The following GLRA2 variants were observed in gnomAD, a reference collection of about 807,000 sequenced individuals.
GLRA2 encodes the protein glycine receptor alpha 2.
A neutral mutation model predicts 31.6 loss-of-function variants in GLRA2; 11 were observed. The ratio of observed to expected loss-of-function variants is 0.35; its 90% CI spans 0.22 to 0.58. The LOEUF (loss-of-function observed/expected upper bound fraction) is 0.58. Ranked by LOEUF, GLRA2 falls within the 20% of genes least tolerant of loss-of-function variation. The pLI, the probability that GLRA2 is intolerant of heterozygous loss-of-function variation, is 0.84. For synonymous variants in GLRA2, 132 were observed against 134.0 expected, an observed-to-expected ratio of 0.99 and a Z score of 0.10; for missense variants, 212 against 351.8, an observed-to-expected ratio of 0.60 and a Z score of 3.18.
At chrX:14,613,954 GACAA>G (rs2090428852) in intron 7 of GLRA2, among the ~76,000 whole-genome samples, 1 of 111,660 alleles carries the variant, frequency 9.0e-6, no homozygotes, top group Non-Finnish European at 1.9e-5. Flanking sequence ...AAGTATCAGT[GACAA>G]ACAGATATTT....
intron 8 of GLRA2, among the ~76,000 whole-genome samples, chrX:14,724,290 G>A (rs934682256): frequency 1.8e-5 from 2 of 110,804 alleles, no homozygotes; most frequent in African/African-American, 3.3e-5. Context: ...ACTCTACCAC[G>A]TACCTGGCAC....
At chrX:14,718,986 T>C (rs1354307772) in intron 8 of GLRA2, among the ~76,000 whole-genome samples, 1 of 111,819 alleles carries the variant, frequency 8.9e-6, no homozygotes, top group Non-Finnish European at 1.9e-5. Context: ...ACCATGTGAA[T>C]GGGACATATT....
chrX:14,508,471 A>G, the GLRA2 span, among the ~76,000 whole-genome samples: 2 of 111,953 alleles, frequency 1.8e-5, no homozygotes, highest in African/African-American at 3.2e-5. Context: ...TGGAGCACAG[A>G]CTTCAAGGCA....
intron 4 of GLRA2, among the ~76,000 whole-genome samples, chrX:14,602,460 A>T (rs189104039): frequency 2.7e-5 from 3 of 109,519 alleles, no homozygotes; most frequent in African/African-American, 1.0e-4. Context: ...TTTTGGGAAA[A>T]AGGTCCCATT....
chrX:14,563,505 T>G (rs12558251), intron 2 of GLRA2, among the ~76,000 whole-genome samples: 3,406 of 112,114 alleles, frequency 0.03, 117 homozygotes, highest in East Asian at 0.13. Flanking sequence ...GGTAGATAAT[T>G]TTCAGTTACT....
the GLRA2 span, among the ~76,000 whole-genome samples, chrX:14,516,561 T>C: frequency 9.0e-6 from 1 of 111,462 alleles, no homozygotes; most frequent in African/African-American, 3.3e-5. Context: ...CAGTGAACCG[T>C]ACCTTCTGGA....
At chrX:14,625,708 C>T (rs1293502313) in intron 7 of GLRA2, among the ~76,000 whole-genome samples, 1 of 111,840 alleles carries the variant, frequency 8.9e-6, no homozygotes, top group Non-Finnish European at 1.9e-5. Flanking sequence ...AGAGTTTCTG[C>T]TGAGAGAACT....
At chrX:14,638,358 A>T (rs1225688418) in intron 7 of GLRA2, among the ~76,000 whole-genome samples, 1 of 111,489 alleles carries the variant, frequency 9.0e-6, no homozygotes, top group Non-Finnish European at 1.9e-5. Context: ...TGCTTTTGCA[A>T]CTAACAGCTT....
chrX:14,567,920 CAT>C (rs373731024), intron 2 of GLRA2, among the ~76,000 whole-genome samples: 78 of 112,128 alleles, frequency 7.0e-4, no homozygotes, highest in Middle Eastern at 4.6e-3. Context: ...GTTAACCAAA[CAT>C]GTGAAAGTTT....
chrX:14,620,510 C>T (rs1361192811), intron 7 of GLRA2, among the ~76,000 whole-genome samples: 2 of 110,781 alleles, frequency 1.8e-5, no homozygotes, highest in Non-Finnish European at 3.8e-5. Flanking sequence ...TTTCCTTGAT[C>T]TTAAGGTGTC....
chrX:14,640,860 G>A (rs944604901), intron 7 of GLRA2, among the ~76,000 whole-genome samples: 8 of 110,587 alleles, frequency 7.2e-5, no homozygotes, highest in Non-Finnish European at 1.5e-4. Flanking sequence ...ATATGCACAC[G>A]TTTATCTTGA....
intron 8 of GLRA2, among the ~76,000 whole-genome samples, chrX:14,707,036 C>G (rs1357534114): frequency 1.0e-4 from 11 of 110,519 alleles, no homozygotes; most frequent in African/African-American, 3.6e-4. Flanking sequence ...ATAAAACTTA[C>G]AAAAATACCT....
At chrX:14,697,825 A>T (rs760852861) in intron 8 of GLRA2, among the ~76,000 whole-genome samples, 1 of 112,368 alleles carries the variant, frequency 8.9e-6, no homozygotes, top group Admixed American at 9.4e-5. Context: ...GCTGTTGAGC[A>T]TCTGAATGCT....
At chrX:14,474,691 TGGGATGGCTGGGATGGCTGGGATGG>T in the GLRA2 span, among the ~76,000 whole-genome samples, 3 of 94,868 alleles carry the variant, frequency 3.2e-5, no homozygotes, top group Non-Finnish European at 6.2e-5. Context: ...CTGGGATGGC[TGGGATGGCTGGGATGGCTGGGATGG>T]CTGGGATGGC....
intron 7 of GLRA2, among the ~76,000 whole-genome samples, chrX:14,648,905 T>C (rs1390963165): frequency 8.9e-6 from 1 of 112,022 alleles, no homozygotes; most frequent in Non-Finnish European, 1.9e-5. Context: ...AAAAATAATG[T>C]GGTAGCGAAT....
chrX:14,724,986 C>T (rs192833433), intron 8 of GLRA2, among the ~76,000 whole-genome samples: 26 of 111,554 alleles, frequency 2.3e-4, no homozygotes, highest in African/African-American at 7.2e-4. Flanking sequence ...GGGGCAAAAA[C>T]GTACACAAAT....
chrX:14,713,534 T>C (rs992349356), intron 8 of GLRA2, among the ~76,000 whole-genome samples: 20 of 112,348 alleles, frequency 1.8e-4, no homozygotes, highest in African/African-American at 6.5e-4. Flanking sequence ...TTCTGCTTGA[T>C]AGATTTTGAA....
At chrX:14,681,546 C>T (rs1226509507) in intron 7 of GLRA2, among the ~76,000 whole-genome samples, 3 of 110,446 alleles carry the variant, frequency 2.7e-5, no homozygotes, top group East Asian at 2.8e-4. Context: ...AAACTAAAAA[C>T]GAAAACAAAA....
intron 8 of GLRA2, among the ~76,000 whole-genome samples, chrX:14,718,177 A>G (rs1455019582): frequency 4.5e-5 from 5 of 111,298 alleles, no homozygotes; most frequent in African/African-American, 1.6e-4. Flanking sequence ...TCAAGTGACT[A>G]AGATAAGATA....
Sources: allele counts gnomAD v4.1 joint callset (sites outside exome capture counted in the v4.1 genomes callset), GRCh38; gene constraint gnomAD v4.1.1; transcripts MANE v1.5; gene names NCBI Gene and HGNC (gene_info 2026-07-23, HGNC 2026-07-21).